Variants in OPCML observed in about 807,000 individuals in gnomAD.
The protein encoded by OPCML is opioid-binding protein/cell adhesion molecule.
Under a neutral mutation model 37.8 loss-of-function variants are expected in OPCML, and 13 were observed. That is an observed-to-expected ratio of 0.34 (90% CI 0.22 to 0.55). The LOEUF is 0.55. Ranked by LOEUF, OPCML falls within the 20% of genes least tolerant of loss-of-function variation. The pLI, the probability that OPCML is intolerant of heterozygous loss-of-function variation, is 0.91. For missense variants in OPCML, 341 were observed against 435.6 expected, an observed-to-expected ratio of 0.78 and a Z score of 1.93; for synonymous variants, 176 against 168.8, an observed-to-expected ratio of 1.04 and a Z score of -0.33.
At chr11:132,941,857 G>T (rs1001946721) in intron 2 of OPCML, among the ~76,000 whole-genome samples, 1 of 152,188 alleles carries the variant, frequency 6.6e-6, no homozygotes, top group African/African-American at 2.4e-5. Flanking sequence ...CCTCCAGGGA[G>T]AGGCTTGTCT....
At chr11:133,101,472 C>T (rs1384974025) in intron 1 of OPCML, among the ~76,000 whole-genome samples, 2 of 152,132 alleles carry the variant, frequency 1.3e-5, no homozygotes, top group Non-Finnish European at 2.9e-5. Flanking sequence ...AAAAATTGCA[C>T]AGCATCATCA....
chr11:133,398,133 T>C (rs912581368), intron 1 of OPCML, among the ~76,000 whole-genome samples: 13 of 152,294 alleles, frequency 8.5e-5, no homozygotes, highest in Non-Finnish European at 1.9e-4. Flanking sequence ...ACCTGGGGGA[T>C]CGAACCTTGC....
chr11:132,676,738 G>T (rs773290708), intron 2 of OPCML, among the ~76,000 whole-genome samples: 1 of 147,832 alleles, frequency 6.8e-6, no homozygotes, highest in Non-Finnish European at 1.5e-5. Flanking sequence ...ACCATTTTAG[G>T]CCCACTAGAG....
chr11:133,243,408 A>G (rs7104723), intron 1 of OPCML, among the ~76,000 whole-genome samples: 10,801 of 152,212 alleles, frequency 0.071, 1,240 homozygotes, highest in African/African-American at 0.25. Context: ...ATAACCAGCC[A>G]CCAAATAACT....
chr11:132,810,356 A>G (rs1030563615), intron 2 of OPCML, among the ~76,000 whole-genome samples: 1 of 152,168 alleles, frequency 6.6e-6, no homozygotes, highest in African/African-American at 2.4e-5. Context: ...TGGAAAGAAA[A>G]GAAGGGTTAT....
chr11:133,266,108 C>T (rs562338860), intron 1 of OPCML, among the ~76,000 whole-genome samples: 7 of 152,122 alleles, frequency 4.6e-5, no homozygotes, highest in Admixed American at 2.6e-4. Flanking sequence ...GTAACCAATC[C>T]CAAGTCTTTA....
intron 1 of OPCML, among the ~76,000 whole-genome samples, chr11:133,504,237 C>A (rs1232959868): frequency 6.6e-6 from 1 of 152,196 alleles, no homozygotes; most frequent in Admixed American, 6.5e-5. Flanking sequence ...CACGGAGAAC[C>A]CCCAAATCCA....
At chr11:133,190,493 T>C (rs1000412615) in intron 1 of OPCML, among the ~76,000 whole-genome samples, 1 of 152,212 alleles carries the variant, frequency 6.6e-6, no homozygotes, top group African/African-American at 2.4e-5. Context: ...TCATATAACA[T>C]ACAATTCACT....
At chr11:132,771,241 T>C (rs1288015682) in intron 2 of OPCML, among the ~76,000 whole-genome samples, 1 of 152,208 alleles carries the variant, frequency 6.6e-6, no homozygotes, top group Non-Finnish European at 1.5e-5. Context: ...TTAACCACTA[T>C]GCTTTGATAT....
At chr11:133,487,722 A>G (rs765462047) in intron 1 of OPCML, among the ~76,000 whole-genome samples, 1 of 151,948 alleles carries the variant, frequency 6.6e-6, no homozygotes, top group Non-Finnish European at 1.5e-5. Flanking sequence ...ATATTTATTG[A>G]TTGAATGTGT....
chr11:132,731,493 T>C (rs1945073503), intron 2 of OPCML, among the ~76,000 whole-genome samples: 1 of 152,220 alleles, frequency 6.6e-6, no homozygotes, highest in Admixed American at 6.5e-5. Context: ...CAGTCTATGA[T>C]CAAAAGTTGA....
At chr11:132,845,806 A>G (rs1429700830) in intron 2 of OPCML, among the ~76,000 whole-genome samples, 5 of 151,682 alleles carry the variant, frequency 3.3e-5, no homozygotes, top group Non-Finnish European at 7.4e-5. Context: ...CCCCTCCTAC[A>G]TTATTATTAT....
At chr11:132,781,761 A>T (rs1175348122) in intron 2 of OPCML, among the ~76,000 whole-genome samples, 1 of 151,640 alleles carries the variant, frequency 6.6e-6, no homozygotes, top group Admixed American at 6.6e-5. Flanking sequence ...AAGGCATTTG[A>T]GACACCTCTT....
At chr11:132,828,275 T>G (rs1285174231) in intron 2 of OPCML, among the ~76,000 whole-genome samples, 1 of 152,108 alleles carries the variant, frequency 6.6e-6, no homozygotes, top group East Asian at 1.9e-4. Flanking sequence ...CAGAAGACAC[T>G]TTAGGGCCAT....
rs1045910275 is a variant in OPCML at position 132,564,262 on chromosome 11, G to A, written c.380-35076C>T. On this transcript the variant is annotated intron_variant, in intron 3 of 7. Transcript: ENST00000524381. ...CTATTACTCAATTATCTTATGAAAT[G>A]AAGTGCGTGAGAGACACAGCTCCTG... 7.2e-5 allele frequency among the ~76,000 whole-genome samples: 11 copies of A among 152,302 alleles called. 1 individual carries two copies. The highest frequency in any genetic ancestry group is 2.6e-4 in the African/African-American group (11 of 41,558).
intron 3 of OPCML, among the ~76,000 whole-genome samples, chr11:132,549,094 C>T (rs992329165): frequency 2.0e-5 from 3 of 152,098 alleles, no homozygotes; most frequent in Admixed American, 6.5e-5. Flanking sequence ...GATAAGAGGT[C>T]CTGACACAGT....
chr11:132,878,903 T>C (rs771049988), intron 2 of OPCML, among the ~76,000 whole-genome samples: 4 of 152,228 alleles, frequency 2.6e-5, no homozygotes, highest in Non-Finnish European at 4.4e-5. Flanking sequence ...GATCTGAGCG[T>C]TGAGTACTTC....
chr11:132,690,671 C>T (rs191022721), intron 2 of OPCML, among the ~76,000 whole-genome samples: 5 of 152,162 alleles, frequency 3.3e-5, no homozygotes, highest in East Asian at 3.9e-4. Context: ...TGAGTGTGTA[C>T]GTGTGTGTGC....
chr11:132,608,254 G>A (rs867460521), intron 3 of OPCML, among the ~76,000 whole-genome samples: 19 of 152,170 alleles, frequency 1.2e-4, no homozygotes, highest in Admixed American at 1.2e-3. Context: ...CTTGACTGCT[G>A]TAAGCCATTA....
Sources: gnomAD v4.1 joint callset for allele counts (sites outside exome capture counted in the v4.1 genomes callset) on GRCh38, gnomAD v4.1.1 for gene constraint, MANE v1.5 for transcripts, NCBI Gene and HGNC (gene_info 2026-07-23, HGNC 2026-07-21) for gene names.